The following RPS6KA4 variants were observed in gnomAD, a reference collection of about 807,000 sequenced individuals.
The protein encoded by RPS6KA4 is ribosomal protein S6 kinase alpha-4.
In RPS6KA4, 38 loss-of-function variants were observed where a neutral mutation model predicts 89.6. That is an observed-to-expected ratio of 0.42 (90% CI 0.33 to 0.56). The LOEUF is 0.56. Ranked by LOEUF, RPS6KA4 falls within the 20% of genes least tolerant of loss-of-function variation. The pLI, the probability that RPS6KA4 is intolerant of heterozygous loss-of-function variation, is 0.07. For missense variants in RPS6KA4, 873 were observed against 1,098.8 expected (o/e 0.79, Z 2.90); for synonymous variants, 495 against 492.8 (o/e 1.00, Z -0.06).
At position 64,359,309 on chromosome 11, in the gene RPS6KA4, T is replaced by C; in HGVS notation, c.55+19T>C. On this transcript the variant is annotated intron_variant, in intron 1 of 16. Coordinates refer to ENST00000334205, the MANE Select transcript of RPS6KA4 (RefSeq NM_003942.3). ...ACAGAAGGTGGGTGTGGGGCCTGAC[T>C]GCGGCTGCCCGGGGCAGGCCGGGAC... 6.2e-7 allele frequency: 1 copy of C among 1,600,116 alleles called. No individual in the cohort carries two copies. The highest frequency in any genetic ancestry group is 8.5e-7 in the Non-Finnish European group (1 of 1,173,118).
rs374004148 is a variant in RPS6KA4 at position 64,371,101 on chromosome 11, CAA to C, written c.2122-158_2122-157del. ...CCTGGGCGACAGAGGGAGACTCCGT[CAA>C]AAAAAAAAAAAAAAAAAAAAAAAGG... is the stretch of plus-strand genomic sequence containing the variant. On this transcript the variant is annotated intron_variant, in intron 16 of 16. Coordinates refer to ENST00000334205, the MANE Select transcript of RPS6KA4 (RefSeq NM_003942.3). Among the ~76,000 whole-genome samples, 861 of 88,660 alleles carry C rather than the reference CAA, an allele frequency of 9.7e-3. 5 individuals are homozygous for C. Among genetic ancestry groups the C allele is most frequent in the Middle Eastern group, 0.052 (7 of 134 alleles). The allele number at this position is 88,660 out of a possible 152,430, so 58.2% of individuals were successfully genotyped here.
At position 64,361,841 on chromosome 11, in the gene RPS6KA4, A is replaced by T. The variant is rs2036760819; in HGVS notation, c.756-11A>T. The T allele has an allele frequency of 6.3e-7, 1 of 1,596,682 alleles. No homozygotes were observed. Among genetic ancestry groups the T allele is most frequent in the Non-Finnish European group, 8.5e-7 (1 of 1,174,188 alleles). ...GGCTTGCTGCCCCTGACACCCCCCCAATCCTCCCAGACGGATCCTGAAGTG... is the reference window on the plus strand; with the variant it reads ...GGCTTGCTGCCCCTGACACCCCCCCTATCCTCCCAGACGGATCCTGAAGTG... On this transcript the variant is annotated splice_polypyrimidine_tract_variant and intron_variant, in intron 7 of 16. Transcript: ENST00000334205. This position sits in a 1 kb window ranked among gnomAD's most constrained non-coding sequence, Gnocchi z 4.7.
intron 8 of RPS6KA4, among the ~76,000 whole-genome samples, chr11:64,363,383 A>C (rs1255926336): frequency 2.6e-5 from 4 of 152,156 alleles, no homozygotes; most frequent in African/African-American, 9.7e-5. Context: ...CCCTTCACCT[A>C]TGCTGGGTGC....
chr11:64,368,284 G>A (rs1484215658), intron 10 of RPS6KA4, 24 bp downstream of exon 10: 10 of 1,611,054 alleles, frequency 6.2e-6, no homozygotes, highest in African/African-American at 1.3e-5. Flanking sequence ...GGCTGGGTTG[G>A]GGGGAAATTG....
In RPS6KA4 at chr11:64,370,097, G is replaced by T; in HGVS notation, c.1798-128G>T. On this transcript the variant is annotated intron_variant, in intron 14 of 16. Coordinates refer to ENST00000334205, the MANE Select transcript of RPS6KA4 (RefSeq NM_003942.3). This position sits in a 1 kb window ranked among gnomAD's most constrained non-coding sequence, Gnocchi z 4.1. ...AGCATCCGGGTATTGGGGGTTAGAA[G>T]TCAGGGTTCACCACGCGTGGGTCTC... 1 of 1,192,910 alleles carries T rather than the reference G, an allele frequency of 8.4e-7. No homozygotes were observed. The allele number at this position is 1,192,910 out of a possible 1,614,324, so 73.9% of individuals were successfully genotyped here. A position where few individuals can be genotyped will look rare whatever the true frequency, so the allele number is the denominator to read the frequency against.
In RPS6KA4 at chr11:64,370,596, A is replaced by C; in HGVS notation, c.1991A>C (p.Lys664Thr). 6.3e-7 allele frequency: 1 copy of C among 1,589,534 alleles called. No homozygotes were observed. Among genetic ancestry groups the C allele is most frequent in the South Asian group, 1.1e-5 (1 of 89,400 alleles). ...LLTVDPAKRL[K>T]LEGLRGSSWL... ...ACCGTGGACCCCGCCAAGCGGCTGA[A>C]GCTCGAGGGACTGCGGGGCAGCTCG... The change falls in exon 16 of 17, where the codon AAG becomes ACG. Residue 664 changes from lysine (K) to threonine (T), a missense_variant. By Grantham distance (78) the Lys-to-Thr change is moderately conservative. Transcript: ENST00000334205. This position sits in a 1 kb window ranked among gnomAD's most constrained non-coding sequence, Gnocchi z 4.1.
chr11:64,364,703 G>C (rs1425701686), intron 8 of RPS6KA4, among the ~76,000 whole-genome samples: 1 of 150,004 alleles, frequency 6.7e-6, no homozygotes, highest in African/African-American at 2.4e-5. Flanking sequence ...TTTAAGTCCA[G>C]CAGGAGAAAG....
In RPS6KA4 at chr11:64,368,708, G is replaced by A; in HGVS notation, c.1339G>A (p.Glu447Lys). Residue 447 changes from glutamate (E) to lysine (K), a missense_variant, in exon 12 of 17, where the codon GAG (glutamate) becomes AAG (lysine). Transcript: ENST00000334205. The stretch of plus-strand genomic sequence containing the variant: ...TCCTTCTGCTCCGTCCCCCAGGCTG[G>A]AGGCGAACACGCAGCGCGAAGTGGC... ...FAVKILSRRL[E>K]ANTQREVAAL... The A allele has an allele frequency of 1.9e-6, 3 of 1,578,014 alleles. No homozygotes were observed. The highest frequency in any genetic ancestry group is 2.6e-6 in the Non-Finnish European group (3 of 1,162,370).
chr11:64,367,550 A>T (rs1328024357), intron 9 of RPS6KA4, among the ~76,000 whole-genome samples: 1 of 152,194 alleles, frequency 6.6e-6, no homozygotes, highest in East Asian at 1.9e-4. Flanking sequence ...ACCTCAGGTG[A>T]TCTACCTGCC....
Position 64,371,668 on chromosome 11 carries a change from G to C in RPS6KA4, c.*188G>C. The C allele has an allele frequency of 2.0e-6, 1 of 506,926 alleles. No homozygotes were observed. 31.4% of individuals were successfully genotyped at this position (506,926 alleles called of 1,614,324 possible). ...AGAATTTTTTATGTCTTACCAGATA[G>C]AGTTGCAGGGAAGGGGGGGCCTGCT... On this transcript the variant is annotated 3_prime_UTR_variant, in exon 17 of 17. Coordinates refer to ENST00000334205, the MANE Select transcript of RPS6KA4 (RefSeq NM_003942.3).
At position 64,371,481 on chromosome 11, in the gene RPS6KA4, T is replaced by G; in HGVS notation, c.*1T>G. 9.4e-7 allele frequency: 1 copy of G among 1,061,874 alleles called. No homozygotes were observed. The allele number at this position is 1,061,874 out of a possible 1,614,324, so 65.8% of individuals were successfully genotyped here. ...CAACGGCCCCCTGCCCCCCTCCTAA[T>G]CCCCACCACTGTGACCCCCTTCCCT... On this transcript the variant is annotated 3_prime_UTR_variant, in exon 17 of 17. Transcript: ENST00000334205.
Position 64,360,566 on chromosome 11 carries a change from G to A in RPS6KA4, c.436G>A (p.Val146Met), listed in dbSNP as rs1270950927. ...AEVRVYGGEI[V>M]LALEHLHKLG... ...GGTGCGCGTGTATGGGGGTGAGATC[G>A]TGCTGGCCCTGGAACACCTGCACAA... Residue 146 changes from valine to methionine, a missense_variant, in exon 4 of 17, where the codon GTG becomes ATG. Physicochemically the swap from Val to Met is conservative, Grantham distance 21. Coordinates refer to ENST00000334205, the MANE Select transcript of RPS6KA4 (RefSeq NM_003942.3). 1.2e-6 allele frequency: 2 copies of A among 1,610,748 alleles called. No individual in the cohort carries two copies. Among genetic ancestry groups the A allele is most frequent in the Non-Finnish European group, 8.5e-7 (1 of 1,178,610 alleles).
intron 8 of RPS6KA4, among the ~76,000 whole-genome samples, chr11:64,363,616 C>T (rs566698177): frequency 1.3e-4 from 20 of 152,152 alleles, no homozygotes; most frequent in Non-Finnish European, 2.4e-4. Flanking sequence ...CTCAGCCTCC[C>T]GAGTAGCTGG....
At chr11:64,365,747 A>G (rs1210633818) in intron 9 of RPS6KA4, among the ~76,000 whole-genome samples, 2 of 152,222 alleles carry the variant, frequency 1.3e-5, no homozygotes, top group Non-Finnish European at 2.9e-5. Context: ...GTTTGAAATT[A>G]TTCACTTGCG....
chr11:64,370,752 A>G lies in RPS6KA4; in HGVS notation c.2121+26A>G. 1 of 1,505,202 alleles carries G rather than the reference A, an allele frequency of 6.6e-7. No individual in the cohort carries two copies. The highest frequency in any genetic ancestry group is 1.3e-5 in the South Asian group (1 of 79,896). 93.2% of individuals were successfully genotyped at this position (1,505,202 alleles called of 1,614,324 possible). ...GTAAGGGGCAGGGTCTGTTGAAGGG[A>G]AGGGGTGGGCGAAGCCTCGAGAGGT... On this transcript the variant is annotated intron_variant, in intron 16 of 16. Coordinates refer to ENST00000334205, the MANE Select transcript of RPS6KA4 (RefSeq NM_003942.3). This position sits in a 1 kb window ranked among gnomAD's most constrained non-coding sequence, Gnocchi z 4.1.
chr11:64,370,601 G>C lies in RPS6KA4; in HGVS notation c.1996G>C (p.Glu666Gln), dbSNP rs1266358650. 6.3e-7 allele frequency: 1 copy of C among 1,587,842 alleles called. No individual in the cohort carries two copies. The highest frequency in any genetic ancestry group is 8.5e-7 in the Non-Finnish European group (1 of 1,174,002). ...TVDPAKRLKL[E>Q]GLRGSSWLQD... ...GGACCCCGCCAAGCGGCTGAAGCTC[G>C]AGGGACTGCGGGGCAGCTCGTGGCT... Residue 666 changes from glutamate to glutamine, a missense_variant, in exon 16 of 17, where the codon GAG becomes CAG. Glu to Gln is a conservative substitution (Grantham distance 29). Coordinates refer to ENST00000334205, the MANE Select transcript of RPS6KA4 (RefSeq NM_003942.3). The surrounding 1 kb of genome is among the most constrained non-coding windows in gnomAD (Gnocchi z 4.1).
Position 64,360,064 on chromosome 11 carries a change from C to T in RPS6KA4, c.128-99C>T, listed in dbSNP as rs2036700670. ...GCCTGTTGCCCCAGCTCCTTCGCCT[C>T]ATTTGCACACCCTCCTGGGTTGGCA... On this transcript the variant is annotated intron_variant, in intron 2 of 16. Coordinates refer to ENST00000334205, the MANE Select transcript of RPS6KA4 (RefSeq NM_003942.3). 19 of 1,169,098 alleles carry T rather than the reference C, an allele frequency of 1.6e-5. No homozygotes were observed. In the South Asian group the frequency reaches 3.0e-4, roughly 18 times the overall value. The allele number at this position is 1,169,098 out of a possible 1,614,324, so 72.4% of individuals were successfully genotyped here.
At position 64,370,827 on chromosome 11, in the gene RPS6KA4, C is replaced by A; in HGVS notation, c.2121+101C>A. 1 of 1,378,068 alleles carries A rather than the reference C, an allele frequency of 7.3e-7. No individual in the cohort carries two copies. Among genetic ancestry groups the A allele is most frequent in the Non-Finnish European group, 9.5e-7 (1 of 1,047,444 alleles). 85.4% of individuals were successfully genotyped at this position (1,378,068 alleles called of 1,614,324 possible). Reference sequence around the variant, plus strand: ...GGAGCACAGAAAGGCGAGGTGAGGCCGGGCGCGGTGGCTCACGCCTGTAAT... The same window carrying A: ...GGAGCACAGAAAGGCGAGGTGAGGCAGGGCGCGGTGGCTCACGCCTGTAAT... On this transcript the variant is annotated intron_variant, in intron 16 of 16. Coordinates refer to ENST00000334205, the MANE Select transcript of RPS6KA4 (RefSeq NM_003942.3). The surrounding 1 kb of genome is among the most constrained non-coding windows in gnomAD (Gnocchi z 4.1).
At position 64,364,736 on chromosome 11, in the gene RPS6KA4, C is replaced by CT. The variant is rs34398206; in HGVS notation, c.907-546dup. 3.1e-3 allele frequency among the ~76,000 whole-genome samples: 382 copies of CT among 121,316 alleles called. 3 individuals are homozygous for CT. In the Middle Eastern group the frequency reaches 0.046, roughly 15 times the overall value. 79.6% of individuals were successfully genotyped at this position (121,316 alleles called of 152,430 possible). A position where few individuals can be genotyped will look rare whatever the true frequency, so the allele number is the denominator to read the frequency against. On this transcript the variant is annotated intron_variant, in intron 8 of 16. Transcript: ENST00000334205. ...AAGAGATTTGTTTTTCACGCCAACT[C>CT]TTTTTTTTTTTTTTTTTTTGAGATG...
Sources: allele counts gnomAD v4.1 joint callset (sites outside exome capture counted in the v4.1 genomes callset), GRCh38; gene constraint gnomAD v4.1.1; non-coding constraint Gnocchi (gnomAD v3.1); transcripts MANE v1.5; gene names NCBI Gene and HGNC (gene_info 2026-07-23, HGNC 2026-07-21).